Variants in SH3GL3 observed in about 807,000 individuals in gnomAD.
SH3GL3 encodes the protein SH3 domain containing GRB2 like 3, endophilin A3, also known as endophilin-A3.
A neutral mutation model predicts 47.7 loss-of-function variants in SH3GL3; 33 were observed. The ratio of observed to expected loss-of-function variants is 0.69; its 90% CI spans 0.52 to 0.92. The LOEUF is 0.92. Among genes scored for constraint, SH3GL3 ranks in the 40% least tolerant of loss-of-function variants. The probability of loss-of-function intolerance (pLI) is 0.00; values close to 1 mark genes in which losing one functional copy is unlikely to be tolerated. For synonymous variants in SH3GL3, 155 were observed against 148.8 expected (o/e 1.04, Z -0.30); for missense variants, 363 against 417.8 (o/e 0.87, Z 1.14).
At chr15:83,599,662 A>C (rs560620901) in intron 8 of SH3GL3, among the ~76,000 whole-genome samples, 1 of 152,276 alleles carries the variant, frequency 6.6e-6, no homozygotes, top group South Asian at 2.1e-4. Flanking sequence ...ATGCGTGTGC[A>C]AGTATCTTTT....
At chr15:83,472,179 C>T (rs118191814) in intron 1 of SH3GL3, among the ~76,000 whole-genome samples, 1,812 of 152,302 alleles carry the variant, frequency 0.012, 14 homozygotes, top group Non-Finnish European at 0.018. Context: ...CCACTGTGCC[C>T]GGCTGGATTT....
At chr15:83,456,542 G>T (rs1191214408) in intron 1 of SH3GL3, among the ~76,000 whole-genome samples, 1 of 78,302 alleles carries the variant, frequency 1.3e-5, no homozygotes, top group African/African-American at 4.9e-5. Context: ...TCTGAAAAGC[G>T]CAATATTCCG....
chr15:83,498,328 G>A (rs947843781), intron 1 of SH3GL3, among the ~76,000 whole-genome samples: 1 of 152,130 alleles, frequency 6.6e-6, no homozygotes, highest in Admixed American at 6.5e-5. Context: ...AGCTGGGTGA[G>A]CCTGGGCAAG....
chr15:83,503,590 C>A (rs901101341), intron 1 of SH3GL3, among the ~76,000 whole-genome samples: 18 of 152,052 alleles, frequency 1.2e-4, no homozygotes, highest in African/African-American at 4.3e-4. Context: ...TTTTGTTCTC[C>A]CCCAGTTTTA....
intron 1 of SH3GL3, among the ~76,000 whole-genome samples, chr15:83,506,359 G>A (rs1552922): frequency 0.34 from 52,276 of 151,926 alleles, 9,577 homozygotes; most frequent in South Asian, 0.65. Context: ...AATGCTACCC[G>A]TATTATGAAG....
At chr15:83,506,840 C>T (rs1457456546) in intron 1 of SH3GL3, among the ~76,000 whole-genome samples, 1 of 152,084 alleles carries the variant, frequency 6.6e-6, no homozygotes, top group African/African-American at 2.4e-5. Context: ...AACCTCCACT[C>T]CTTCAGCGAT....
chr15:83,586,985 A>T lies in SH3GL3; in HGVS notation c.627A>T (p.Val209=). The change falls in exon 7 of 9, where the codon GTA becomes GTT. Residue 209 remains valine (V), a splice_region_variant and synonymous_variant. Transcript: ENST00000427482. ...RSMFNFLEND[V]EQVSQLAVFI... is the part of the protein sequence containing the mutation. ...ATAATTTTGCACTTCTGCTGCAGGT[A>T]GAACAAGTCAGCCAGTTGGCTGTGT... The T allele has an allele frequency of 6.3e-7, 1 of 1,593,232 alleles. No individual in the cohort carries two copies. The highest frequency in any genetic ancestry group is 8.6e-7 in the Non-Finnish European group (1 of 1,166,330).
chr15:83,469,612 CA>C lies in SH3GL3; in HGVS notation c.45+22036del, dbSNP rs1343839347. Among the ~76,000 whole-genome samples the C allele has an allele frequency of 4.6e-5, 7 of 151,886 alleles. 1 individual carries two copies. In the Middle Eastern group the frequency reaches 0.017, roughly 369 times the overall value. Reference sequence around the variant, plus strand: ...TTTAGAAGTTTGTTTTTTTAGTTTCCAAGTGTTTGGGATTTTTCTTGTTATT... The same window carrying C: ...TTTAGAAGTTTGTTTTTTTAGTTTCCAGTGTTTGGGATTTTTCTTGTTATT... On this transcript the variant is annotated intron_variant, in intron 1 of 8. Transcript: ENST00000427482.
At position 83,598,245 on chromosome 15, in the gene SH3GL3, G is replaced by A. The variant is rs964037055; in HGVS notation, c.838+9474G>A. Among the ~76,000 whole-genome samples, 8 of 152,126 alleles carry A rather than the reference G, an allele frequency of 5.3e-5. 1 individual carries two copies. The highest frequency in any genetic ancestry group is 2.6e-4 in the Admixed American group (4 of 15,268). Reference sequence around the variant, plus strand: ...TGGCACTGGTACAAACCCAGGATGAGTGGACTCACCTGGCTGCTCTTTTCT... The same window carrying A: ...TGGCACTGGTACAAACCCAGGATGAATGGACTCACCTGGCTGCTCTTTTCT... On this transcript the variant is annotated intron_variant, in intron 8 of 8. Transcript: ENST00000427482.
At chr15:83,559,135 G>C in intron 1 of SH3GL3, 118 bp from the exon 2 acceptor site, 1 of 647,228 alleles carries the variant, frequency 1.5e-6, no homozygotes, top group Non-Finnish European at 2.8e-6. Flanking sequence ...AAAGGAGTTA[G>C]TTCAAAAAAT....
chr15:83,489,915 G>A (rs1482953387), intron 1 of SH3GL3, among the ~76,000 whole-genome samples: 1 of 152,020 alleles, frequency 6.6e-6, no homozygotes, highest in Non-Finnish European at 1.5e-5. Context: ...ATAGATAGAT[G>A]ATTGATAGAT....
chr15:83,553,537 A>G (rs2044773205), intron 1 of SH3GL3, among the ~76,000 whole-genome samples: 1 of 152,060 alleles, frequency 6.6e-6, no homozygotes, highest in African/African-American at 2.4e-5. Flanking sequence ...GGATTGAAAA[A>G]TACTGGTTTT....
intron 8 of SH3GL3, among the ~76,000 whole-genome samples, chr15:83,617,335 C>T (rs2151853868): frequency 1.3e-5 from 2 of 152,300 alleles, no homozygotes; most frequent in Middle Eastern, 6.8e-3. Context: ...ACTACCCTCT[C>T]CCCAGAGCTC....
At chr15:83,563,723 C>T (rs2045394391) in intron 2 of SH3GL3, among the ~76,000 whole-genome samples, 1 of 152,102 alleles carries the variant, frequency 6.6e-6, no homozygotes, top group Admixed American at 6.5e-5. Flanking sequence ...ACTGCAACCT[C>T]CACCTTCCAG....
chr15:83,617,637 T>C (rs1376281691), intron 8 of SH3GL3, among the ~76,000 whole-genome samples: 2 of 152,170 alleles, frequency 1.3e-5, no homozygotes, highest in East Asian at 3.9e-4. Context: ...GATCGCACCA[T>C]TGCACTCCAG....
intron 1 of SH3GL3, among the ~76,000 whole-genome samples, chr15:83,541,624 C>T (rs1339649975): frequency 6.6e-6 from 1 of 151,996 alleles, no homozygotes; most frequent in African/African-American, 2.4e-5. Flanking sequence ...TGCCAGCATT[C>T]GTTATTGCCT....
In SH3GL3 at chr15:83,618,630, A is replaced by G. The variant is rs2060889873; in HGVS notation, c.*343A>G. On this transcript the variant is annotated 3_prime_UTR_variant, in exon 9 of 9. Coordinates refer to ENST00000427482, the MANE Select transcript of SH3GL3 (RefSeq NM_003027.5). ...AAATGGTAACATTTGAAACTAAGAA[A>G]TGCTAAATATTTTGTTTCTCGACAT... The G allele has an allele frequency of 8.3e-6, 2 of 240,038 alleles. No homozygotes were observed. Among genetic ancestry groups the G allele is most frequent in the Admixed American group, 5.0e-5 (1 of 19,934 alleles). 14.9% of individuals were successfully genotyped at this position (240,038 alleles called of 1,614,324 possible). A position where few individuals can be genotyped will look rare whatever the true frequency, so the allele number is the denominator to read the frequency against.
chr15:83,506,525 C>T (rs2042512591), intron 1 of SH3GL3, among the ~76,000 whole-genome samples: 1 of 152,124 alleles, frequency 6.6e-6, no homozygotes, highest in Admixed American at 6.5e-5. Flanking sequence ...TGTTTTTCGG[C>T]ATTGTCCTGA....
chr15:83,469,173 A>G (rs1445208422), intron 1 of SH3GL3, among the ~76,000 whole-genome samples: 2 of 152,114 alleles, frequency 1.3e-5, no homozygotes, highest in African/African-American at 2.4e-5. Context: ...CTATAGTAAT[A>G]TCTCATCTTT....
Sources: gnomAD v4.1 joint callset for allele counts (sites outside exome capture counted in the v4.1 genomes callset) on GRCh38, gnomAD v4.1.1 for gene constraint, MANE v1.5 for transcripts, NCBI Gene and HGNC (gene_info 2026-07-23, HGNC 2026-07-21) for gene names.